Variants in SPATA13 observed in about 807,000 individuals in gnomAD.
SPATA13 encodes the protein spermatogenesis-associated protein 13.
A neutral mutation model predicts 104.0 loss-of-function variants in SPATA13; 50 were observed. The observed-to-expected ratio is 0.48, with a 90% CI of 0.38 to 0.61. The LOEUF is 0.61. Among genes scored for constraint, SPATA13 ranks in the 20% least tolerant of loss-of-function variants. The pLI is 0.00. For synonymous variants in SPATA13, 606 were observed against 667.5 expected, an observed-to-expected ratio of 0.91 and a Z score of 1.42; for missense variants, 1,524 against 1,690.6, an observed-to-expected ratio of 0.90 and a Z score of 1.73.
At chr13:24,158,722 TA>T (rs1337838860), upstream of SPATA13, among the ~76,000 whole-genome samples, 16 of 149,866 alleles carry the variant, frequency 1.1e-4, no homozygotes, top group African/African-American at 3.8e-4. Flanking sequence ...GCTAAGTTGA[TA>T]GATAGTAAGA....
intron 1 of SPATA13, among the ~76,000 whole-genome samples, chr13:24,202,406 C>A (rs1312107427): frequency 1.3e-5 from 2 of 151,974 alleles, no homozygotes; most frequent in African/African-American, 4.8e-5. Context: ...ACAGTTGATT[C>A]TGCAGGGAAC....
chr13:24,032,337 C>G (rs1877515033), intron 3 of SPATA13, among the ~76,000 whole-genome samples: 1 of 152,168 alleles, frequency 6.6e-6, no homozygotes, highest in Admixed American at 6.5e-5. Flanking sequence ...GTCCCTATAC[C>G]CATTGCAATG....
chr13:24,174,521 GCATTTT>G (rs759801067), intron 1 of SPATA13, among the ~76,000 whole-genome samples: 2 of 151,612 alleles, frequency 1.3e-5, no homozygotes, highest in African/African-American at 2.4e-5. Flanking sequence ...TTTATGTGTT[GCATTTT>G]CATTTTCATT....
chr13:24,154,723 C>G (rs935174668), intron 3 of SPATA13, among the ~76,000 whole-genome samples: 6 of 152,326 alleles, frequency 3.9e-5, no homozygotes, highest in Non-Finnish European at 7.3e-5. Flanking sequence ...AGCTCAGGGC[C>G]TCATGAGGCT....
At chr13:24,109,821 T>C (rs1880578666) in intron 3 of SPATA13, among the ~76,000 whole-genome samples, 1 of 152,028 alleles carries the variant, frequency 6.6e-6, no homozygotes, top group African/African-American at 2.4e-5. Context: ...GCAATGAATA[T>C]AGTTGCATGA....
At chr13:24,067,168 C>T in intron 3 of SPATA13, among the ~76,000 whole-genome samples, 1 of 152,172 alleles carries the variant, frequency 6.6e-6, no homozygotes, top group East Asian at 1.9e-4. Context: ...GGCACTGCTG[C>T]CTGCCCAATC....
intron 2 of SPATA13, among the ~76,000 whole-genome samples, chr13:23,995,299 A>G (rs900983013): frequency 6.6e-6 from 1 of 152,234 alleles, no homozygotes; most frequent in Non-Finnish European, 1.5e-5. Context: ...TAAATCAAAG[A>G]CAATTTTGTT....
chr13:24,076,230 G>C (rs1879321870), intron 3 of SPATA13, among the ~76,000 whole-genome samples: 2 of 152,098 alleles, frequency 1.3e-5, no homozygotes, highest in African/African-American at 4.8e-5. Flanking sequence ...ACTGCCACAG[G>C]TGCAGTTCTT....
intron 2 of SPATA13, among the ~76,000 whole-genome samples, chr13:23,996,143 G>C (rs973852655): frequency 6.6e-6 from 1 of 152,130 alleles, no homozygotes; most frequent in Admixed American, 6.6e-5. Flanking sequence ...GGAACCTAAT[G>C]GGATTATTAT....
intron 3 of SPATA13, among the ~76,000 whole-genome samples, chr13:24,052,012 G>A (rs111549343): frequency 1.1e-4 from 16 of 152,100 alleles, no homozygotes; most frequent in African/African-American, 3.6e-4. Flanking sequence ...CTTCCTCTGC[G>A]TGCACTGAAG....
chr13:24,300,326 G>A, intron 11 of SPATA13, 75 bp from the exon 12 acceptor site: 1 of 1,144,356 alleles, frequency 8.7e-7, no homozygotes, highest in Non-Finnish European at 1.3e-6. Flanking sequence ...ATGCTGATAT[G>A]GGCTGTGATA....
chr13:23,983,644 T>C (rs1035473335), intron 1 of SPATA13: 4 of 72,976 alleles, frequency 5.5e-5, no homozygotes, highest in African/African-American at 1.8e-4. Context: ...TTCTGTTGGT[T>C]GTTTTTTTTT....
At chr13:24,179,990 T>C (rs1868696047) in intron 1 of SPATA13, among the ~76,000 whole-genome samples, 1 of 152,220 alleles carries the variant, frequency 6.6e-6, no homozygotes, top group Non-Finnish European at 1.5e-5. Flanking sequence ...TGGTGTTCTT[T>C]GCATTAAAGT....
At chr13:24,276,238 T>C (rs1215113606) in intron 4 of SPATA13, among the ~76,000 whole-genome samples, 1 of 152,254 alleles carries the variant, frequency 6.6e-6, no homozygotes, top group Non-Finnish European at 1.5e-5. Flanking sequence ...ATGTGGTGTG[T>C]ATACTCACAA....
At chr13:23,999,243 G>C (rs1875835328) in intron 2 of SPATA13, among the ~76,000 whole-genome samples, 1 of 151,878 alleles carries the variant, frequency 6.6e-6, no homozygotes, top group East Asian at 1.9e-4. Context: ...TGATTTTCTT[G>C]ATAACTGGTT....
At chr13:24,270,660 G>A (rs1303695744) in intron 4 of SPATA13, 1 of 1,290,364 alleles carries the variant, frequency 7.7e-7, no homozygotes, top group African/African-American at 1.5e-5. Flanking sequence ...CTAACCCTTG[G>A]TCACACGGAG....
chr13:24,075,996 T>C (rs1342714935), intron 3 of SPATA13, among the ~76,000 whole-genome samples: 1 of 152,256 alleles, frequency 6.6e-6, no homozygotes, highest in Non-Finnish European at 1.5e-5. Context: ...AAACACCTTC[T>C]GTTTCCATTG....
chr13:24,282,460 CT>C (rs1233638857), intron 4 of SPATA13, among the ~76,000 whole-genome samples: 2 of 152,234 alleles, frequency 1.3e-5, no homozygotes, highest in African/African-American at 2.4e-5. Context: ...CAGGCTTCTG[CT>C]TTTTGTTAAA....
Position 24,223,551 on chromosome 13 carries a change from G to C in SPATA13, c.622G>C (p.Gly208Arg). The C allele has an allele frequency of 6.5e-7, 1 of 1,549,096 alleles. No individual in the cohort carries two copies. The highest frequency in any genetic ancestry group is 8.7e-7 in the Non-Finnish European group (1 of 1,147,002). ...HRSRSLRRAY[G>R]LGRICLLDAP... The stretch of plus-strand genomic sequence containing the variant: ...CTCCCGCAGCCTCCGCAGAGCCTAC[G>C]GCCTGGGCCGCATCTGCCTGCTGGA... Residue 208 changes from glycine to arginine, a missense_variant, in exon 2 of 13, where the codon GGC becomes CGC. Coordinates refer to ENST00000382108, the MANE Select transcript of SPATA13 (RefSeq NM_001166271.3).
Sources: allele counts gnomAD v4.1 joint callset (sites outside exome capture counted in the v4.1 genomes callset), GRCh38; gene constraint gnomAD v4.1.1; transcripts MANE v1.5; gene names NCBI Gene and HGNC (gene_info 2026-07-23, HGNC 2026-07-21).